The following ASXL2 variants were observed in gnomAD, a reference collection of about 807,000 sequenced individuals.
ASXL2 encodes putative Polycomb group protein ASXL2.
In ASXL2, 23 loss-of-function variants were observed where a neutral mutation model predicts 122.0. The ratio of observed to expected loss-of-function variants is 0.19; its 90% CI spans 0.14 to 0.27. The LOEUF is 0.27. Ranked by LOEUF, ASXL2 falls within the 10% of genes least tolerant of loss-of-function variation. The probability of loss-of-function intolerance (pLI) is 1.00; values close to 1 mark genes in which losing one functional copy is unlikely to be tolerated. For missense variants in ASXL2, 1,518 were observed against 1,713.8 expected (o/e 0.89, Z 2.02); for synonymous variants, 650 against 637.0 (o/e 1.02, Z -0.31).
chr2:25,877,182 C>A (rs2090016592), intron 1 of ASXL2, among the ~76,000 whole-genome samples: 1 of 152,156 alleles, frequency 6.6e-6, no homozygotes, highest in Non-Finnish European at 1.5e-5. Flanking sequence ...CATTAATCAC[C>A]ATTAAAGGGG....
rs544891790 is a variant in ASXL2 at position 25,733,781 on chromosome 2, C to T, written c.*8248G>A. 6.6e-6 allele frequency: 1 copy of T among 152,262 alleles called. No homozygotes were observed. The highest frequency in any genetic ancestry group is 1.9e-4 in the East Asian group (1 of 5,186). 9.4% of individuals were successfully genotyped at this position (152,262 alleles called of 1,614,324 possible). The stretch of plus-strand genomic sequence containing the variant: ...GGTAAAACTGTATGCCTTTATTCAA[C>T]ATAGAATGAGTCAGTAAAATATGGT... On this transcript the variant is annotated 3_prime_UTR_variant, in exon 13 of 13. Coordinates refer to ENST00000435504, the MANE Select transcript of ASXL2 (RefSeq NM_018263.6).
chr2:25,865,473 A>T (rs937991808), intron 1 of ASXL2, among the ~76,000 whole-genome samples: 3 of 150,396 alleles, frequency 2.0e-5, no homozygotes, highest in African/African-American at 4.9e-5. Context: ...AATTTTTTTT[A>T]AATCCAAATA....
chr2:25,770,793 G>GAA (rs749573423), intron 6 of ASXL2, among the ~76,000 whole-genome samples: 3 of 152,082 alleles, frequency 2.0e-5, no homozygotes, highest in Non-Finnish European at 2.9e-5. Flanking sequence ...GATTAAAAGA[G>GAA]AAAAATCTAT....
chr2:25,770,369 G>C lies in ASXL2; in HGVS notation c.504+1071C>G, dbSNP rs149868320. Among the ~76,000 whole-genome samples the C allele has an allele frequency of 2.4e-3, 366 of 152,174 alleles. 2 individuals are homozygous for C. Among genetic ancestry groups the C allele is most frequent in the African/African-American group, 8.4e-3 (348 of 41,532 alleles). ...GATTACAGGAGGTCTCTGAACTCCT[G>C]ACCTCAGGTGATCCGCCTGCCTTGG... On this transcript the variant is annotated intron_variant, in intron 6 of 12. Transcript: ENST00000435504.
At chr2:25,822,059 A>G (rs2089318441) in intron 3 of ASXL2, among the ~76,000 whole-genome samples, 1 of 152,242 alleles carries the variant, frequency 6.6e-6, no homozygotes, top group Non-Finnish European at 1.5e-5. Flanking sequence ...GCCTATCAAC[A>G]TTAATACTAA....
chr2:25,759,111 C>T lies in ASXL2; in HGVS notation c.939+371G>A, dbSNP rs781449737. 1.5e-4 allele frequency among the ~76,000 whole-genome samples: 23 copies of T among 152,080 alleles called. 1 individual carries two copies. Among genetic ancestry groups the T allele is most frequent in the East Asian group, 7.7e-4 (4 of 5,180 alleles). On this transcript the variant is annotated intron_variant, in intron 9 of 12. Transcript: ENST00000435504. ...CTGGGATTACAGGCGCCCACCACCA[C>T]GCCTGGCTAATTTTTGTATTTTTAG...
At chr2:25,800,033 C>T (rs995287300) in intron 4 of ASXL2, among the ~76,000 whole-genome samples, 3 of 148,410 alleles carry the variant, frequency 2.0e-5, no homozygotes, top group African/African-American at 5.0e-5. Flanking sequence ...GTGGAACGAA[C>T]ACTCCTGTAG....
chr2:25,834,277 T>C (rs1250543708), intron 3 of ASXL2, among the ~76,000 whole-genome samples: 2 of 151,748 alleles, frequency 1.3e-5, no homozygotes, highest in Non-Finnish European at 1.5e-5. Context: ...CACTTGAACC[T>C]GGGAGGCAGA....
rs781741036 is a variant in ASXL2 at position 25,740,056 on chromosome 2, A to T, written c.*1973T>A. 12 of 225,666 alleles carry T rather than the reference A, an allele frequency of 5.3e-5. No homozygotes were observed. Among genetic ancestry groups the T allele is most frequent in the Non-Finnish European group, 8.8e-5 (10 of 113,374 alleles). The allele number at this position is 225,666 out of a possible 1,614,324, so 14.0% of individuals were successfully genotyped here. On this transcript the variant is annotated 3_prime_UTR_variant, in exon 13 of 13. Transcript: ENST00000435504. ...CTTGAAAATATACTCCTTATCCCCAATCCTTGCAGCCTTCTTATCTCTTAG... is the reference window on the plus strand; with the variant it reads ...CTTGAAAATATACTCCTTATCCCCATTCCTTGCAGCCTTCTTATCTCTTAG...
intron 12 of ASXL2, among the ~76,000 whole-genome samples, chr2:25,747,020 C>T (rs1461691740): frequency 6.6e-6 from 1 of 152,182 alleles, no homozygotes; most frequent in Non-Finnish European, 1.5e-5. Context: ...CTCCACATAT[C>T]TTCCCATATA....
intron 3 of ASXL2, chr2:25,810,334 G>A (rs2089150002): frequency 1.5e-6 from 1 of 662,300 alleles, no homozygotes; most frequent in Admixed American, 1.9e-5. Context: ...GCTTCTTTGA[G>A]TTGGATTTCC....
At chr2:25,776,428 T>C (rs980356848) in intron 5 of ASXL2, among the ~76,000 whole-genome samples, 1 of 152,246 alleles carries the variant, frequency 6.6e-6, no homozygotes, top group Admixed American at 6.5e-5. Flanking sequence ...TTGGATTGTT[T>C]CTACTTTCTG....
chr2:25,846,874 A>G (rs1460703282), intron 1 of ASXL2, among the ~76,000 whole-genome samples: 8 of 152,232 alleles, frequency 5.3e-5, no homozygotes, highest in Admixed American at 1.3e-4. Flanking sequence ...TAAGGAAATC[A>G]GCAACTCACA....
intron 2 of ASXL2, among the ~76,000 whole-genome samples, chr2:25,844,214 T>C (rs2089622395): frequency 6.6e-6 from 1 of 152,170 alleles, no homozygotes; most frequent in Admixed American, 6.6e-5. Context: ...GACTCCCAAA[T>C]TTCTGTCTTA....
Position 25,806,352 on chromosome 2 carries a change from A to T in ASXL2, c.144-15T>A, listed in dbSNP as rs375224591. 6 of 1,564,372 alleles carry T rather than the reference A, an allele frequency of 3.8e-6. No individual in the cohort carries two copies. The African/African-American group carries it at 8.1e-5, about 21-fold the overall frequency. ...GAGAAGTCCCACTGCAAAACAAAGA[A>T]GAGATGTGATAAGGAACACAACAAT... On this transcript the variant is annotated splice_polypyrimidine_tract_variant and intron_variant, in intron 3 of 12. Transcript: ENST00000435504.
At chr2:25,831,148 T>C (rs2089446432) in intron 3 of ASXL2, among the ~76,000 whole-genome samples, 3 of 151,944 alleles carry the variant, frequency 2.0e-5, no homozygotes, top group South Asian at 4.2e-4. Context: ...AGTGAAACCC[T>C]GTCTCTACTA....
intron 1 of ASXL2, among the ~76,000 whole-genome samples, chr2:25,846,183 G>C (rs2149193583): frequency 1.3e-5 from 2 of 152,358 alleles, no homozygotes; most frequent in East Asian, 3.9e-4. Context: ...CTGAGGCACA[G>C]TAAAGAGGGC....
intron 1 of ASXL2, among the ~76,000 whole-genome samples, chr2:25,866,889 C>T (rs190602438): frequency 1.3e-3 from 191 of 151,294 alleles, no homozygotes; most frequent in African/African-American, 4.2e-3. Context: ...CGCGCCACCA[C>T]GTCCAGCTAA....
rs559319074 is a variant in ASXL2, at chr2:25,742,799, C to A, written c.3538G>T (p.Asp1180Tyr). The change falls in exon 13 of 13, where the codon GAC (aspartate) becomes TAC (tyrosine). Residue 1180 changes from aspartate (D) to tyrosine (Y), a missense_variant. Asp to Tyr is a radical substitution (Grantham distance 160). This residue lies in a region of ASXL2 where 831 missense variants were observed against 833.1 expected (regional missense o/e 1.00). Transcript: ENST00000435504. The stretch of plus-strand genomic sequence containing the variant: ...TCACCAGTACTTTCCTCATCAGTGT[C>A]ATCTTCTTTGCTGCTGCTACTCTCT... ...TGESSSSKED[D>Y]TDEESTGDEQ... 3 of 1,613,988 alleles carry A rather than the reference C, an allele frequency of 1.9e-6. No homozygotes were observed. Among genetic ancestry groups the A allele is most frequent in the Admixed American group, 3.3e-5 (2 of 60,024 alleles).
Sources: allele counts gnomAD v4.1 joint callset (sites outside exome capture counted in the v4.1 genomes callset), GRCh38; gene constraint gnomAD v4.1.1; regional missense constraint gnomAD v4.1.1; transcripts MANE v1.5; gene names NCBI Gene and HGNC (gene_info 2026-07-23, HGNC 2026-07-21).